DAB1: variants seen among roughly 807,000 people sequenced by gnomAD.
DAB1 encodes the protein disabled homolog 1.
In DAB1, 15 loss-of-function variants were observed where a neutral mutation model predicts 64.6. The ratio of observed to expected loss-of-function variants is 0.23; its 90% CI spans 0.16 to 0.36. The LOEUF (loss-of-function observed/expected upper bound fraction) is 0.36, where lower values mean the gene tolerates loss of function less well. Among genes scored for constraint, DAB1 ranks in the 10% least tolerant of loss-of-function variants. The probability of loss-of-function intolerance (pLI) is 1.00; values close to 1 mark genes in which losing one functional copy is unlikely to be tolerated. For missense variants in DAB1, 596 were observed against 706.7 expected, an observed-to-expected ratio of 0.84 and a Z score of 1.78; for synonymous variants, 235 against 251.9, an observed-to-expected ratio of 0.93 and a Z score of 0.64.
chr1:57,493,545 T>C (rs955518309), intron 7 of DAB1, among the ~76,000 whole-genome samples: 10 of 152,198 alleles, frequency 6.6e-5, no homozygotes, highest in African/African-American at 2.4e-4. Context: ...CATAGATGAA[T>C]ACATAGTTGC....
chr1:57,023,725 C>T (rs1049672037), intron 10 of DAB1, 86 bp from the exon 11 acceptor site: 40 of 850,732 alleles, frequency 4.7e-5, no homozygotes, highest in Middle Eastern at 2.7e-4. Context: ...GGAATTAAGG[C>T]GCAGGGGAAG....
intron 5 of DAB1, among the ~76,000 whole-genome samples, chr1:58,122,658 C>T (rs1001916791): frequency 1.3e-5 from 2 of 152,126 alleles, no homozygotes; most frequent in Non-Finnish European, 2.9e-5. Flanking sequence ...GGCTGACCAC[C>T]TTGTGTCCAA....
At chr1:57,227,585 C>A (rs1667371338) in intron 2 of DAB1, among the ~76,000 whole-genome samples, 1 of 149,522 alleles carries the variant, frequency 6.7e-6, no homozygotes, top group East Asian at 2.0e-4. Flanking sequence ...AAATAAGAGT[C>A]TCCCTCTGTC....
chr1:58,099,957 G>T (rs2100629541), intron 5 of DAB1, among the ~76,000 whole-genome samples: 1 of 152,174 alleles, frequency 6.6e-6, no homozygotes, highest in East Asian at 1.9e-4. Context: ...TGCTTCTTCT[G>T]GTCTTTGCTC....
intron 1 of DAB1, among the ~76,000 whole-genome samples, chr1:57,367,819 G>C (rs558102799): frequency 2.6e-5 from 4 of 152,196 alleles, no homozygotes; most frequent in Admixed American, 2.6e-4. Context: ...CTGTTCCATA[G>C]AGCAAGCAGG....
intron 3 of DAB1, among the ~76,000 whole-genome samples, chr1:58,392,305 G>C (rs1353121257): frequency 2.6e-5 from 4 of 152,138 alleles, no homozygotes; most frequent in Admixed American, 6.6e-5. Context: ...AAGATGTAAC[G>C]GCTCTGCCAT....
intron 6 of DAB1, among the ~76,000 whole-genome samples, chr1:57,814,624 G>C (rs768758979): frequency 6.6e-6 from 1 of 152,170 alleles, no homozygotes; most frequent in African/African-American, 2.4e-5. Flanking sequence ...CCCAAGAGGA[G>C]GCAATTCCAA....
intron 1 of DAB1, among the ~76,000 whole-genome samples, chr1:58,532,591 G>A (rs1376194541): frequency 1.3e-5 from 2 of 152,094 alleles, no homozygotes; most frequent in Non-Finnish European, 2.9e-5. Flanking sequence ...GCAGTGGTGC[G>A]ATCATGGCTC....
chr1:58,530,968 G>A lies in DAB1; in HGVS notation n.33-3633C>T, dbSNP rs1311767577. Among the ~76,000 whole-genome samples the A allele has an allele frequency of 2.0e-5, 3 of 152,044 alleles. No individual in the cohort carries two copies. In the South Asian group the frequency reaches 6.2e-4, roughly 31 times the overall value. On this transcript the variant is annotated intron_variant and non_coding_transcript_variant, in intron 1 of 20. Transcript: ENST00000485760. ...CTAAGCCACTTACTATTAGTCAGAG[G>A]ATATAAACCTACAATTTCTTATATT... is the stretch of plus-strand genomic sequence containing the variant.
chr1:57,893,856 C>A (rs1191837474), intron 5 of DAB1, among the ~76,000 whole-genome samples: 1 of 152,082 alleles, frequency 6.6e-6, no homozygotes, highest in East Asian at 1.9e-4. Context: ...GTGATCAATA[C>A]CTTTGTGATA....
chr1:58,522,866 T>A (rs527556241), intron 2 of DAB1, among the ~76,000 whole-genome samples: 1 of 152,310 alleles, frequency 6.6e-6, no homozygotes, highest in Non-Finnish European at 1.5e-5. Context: ...AATGTCTCCA[T>A]CCTTATCTTC....
At chr1:58,062,361 G>A (rs1201074140) in intron 5 of DAB1, among the ~76,000 whole-genome samples, 1 of 152,142 alleles carries the variant, frequency 6.6e-6, no homozygotes, top group African/African-American at 2.4e-5. Context: ...CTACAGCTTT[G>A]CCAGGGCTTT....
chr1:57,259,197 C>G (rs1322741860), intron 2 of DAB1, among the ~76,000 whole-genome samples: 3 of 152,152 alleles, frequency 2.0e-5, no homozygotes, highest in Non-Finnish European at 4.4e-5. Flanking sequence ...CACTGTCTGA[C>G]CTCTTTGGGT....
chr1:57,742,183 A>G (rs991518390), intron 6 of DAB1, among the ~76,000 whole-genome samples: 2 of 152,172 alleles, frequency 1.3e-5, no homozygotes, highest in African/African-American at 4.8e-5. Flanking sequence ...TGCATTTCTC[A>G]GACTCAGAAC....
chr1:58,125,096 T>A (rs1050533449), intron 5 of DAB1, among the ~76,000 whole-genome samples: 5 of 152,070 alleles, frequency 3.3e-5, no homozygotes, highest in Non-Finnish European at 5.9e-5. Flanking sequence ...TAATATAAAA[T>A]GAAGCATTTT....
intron 4 of DAB1, among the ~76,000 whole-genome samples, chr1:58,245,555 T>C (rs676022): frequency 0.61 from 92,611 of 151,906 alleles, 28,916 homozygotes; most frequent in African/African-American, 0.73. Context: ...TGCTCACAGA[T>C]CCACTAATAG....
At chr1:57,238,860 T>TACACACACACACAC (rs1281270538) in intron 2 of DAB1, among the ~76,000 whole-genome samples, 11 of 133,950 alleles carry the variant, frequency 8.2e-5, no homozygotes, top group Admixed American at 1.5e-4. Flanking sequence ...CACACACACA[T>TACACACACACACAC]ACACACACAC....
intron 5 of DAB1, among the ~76,000 whole-genome samples, chr1:58,102,356 C>T (rs1397641302): frequency 6.6e-6 from 1 of 152,156 alleles, no homozygotes; most frequent in Non-Finnish European, 1.5e-5. Context: ...TGTGATCAAG[C>T]TGTACCCCGG....
chr1:57,065,941 T>C (rs894502209), intron 8 of DAB1, among the ~76,000 whole-genome samples: 4 of 142,916 alleles, frequency 2.8e-5, no homozygotes, highest in African/African-American at 7.7e-5. Flanking sequence ...ATTTGTTCTA[T>C]AAATAATCTT....
Sources: allele counts gnomAD v4.1 joint callset (sites outside exome capture counted in the v4.1 genomes callset), GRCh38; gene constraint gnomAD v4.1.1; transcripts MANE v1.5; gene names NCBI Gene and HGNC (gene_info 2026-07-23, HGNC 2026-07-21).